Variants in ZMYND11 observed in about 807,000 individuals in gnomAD.
ZMYND11 encodes zinc finger MYND-type containing 11.
ZMYND11 carries 9 observed loss-of-function variants against 84.9 expected under a neutral mutation model. The observed-to-expected ratio is 0.11, with a 90% CI of 0.06 to 0.18. The LOEUF (loss-of-function observed/expected upper bound fraction) is 0.18. ZMYND11 is among the 10% of genes least tolerant of loss of function. The pLI, the probability that ZMYND11 is intolerant of heterozygous loss-of-function variation, is 1.00. For missense variants in ZMYND11, 409 were observed against 761.0 expected, an observed-to-expected ratio of 0.54 and a Z score of 5.44; for synonymous variants, 250 against 244.1, an observed-to-expected ratio of 1.02 and a Z score of -0.23.
intron 1 of ZMYND11, among the ~76,000 whole-genome samples, chr10:174,511 C>G (rs1297822832): frequency 6.6e-6 from 1 of 152,026 alleles, no homozygotes; most frequent in East Asian, 1.9e-4. Context: ...CCCATGTGCA[C>G]TACAGTGGCA....
chr10:184,616 T>A (rs1400124830), intron 2 of ZMYND11, among the ~76,000 whole-genome samples: 1 of 152,204 alleles, frequency 6.6e-6, no homozygotes, highest in Non-Finnish European at 1.5e-5. Context: ...TCTTTTCTCA[T>A]GTGTTGAGAC....
At position 226,287 on chromosome 10, in the gene ZMYND11, A is replaced by G. The variant is rs72771000; in HGVS notation, c.438+4931A>G. ...CTGCCCTGCACAGATTAGTGGCTAT[A>G]ATATCTGATAGTGTTGCTTTTGCTC... On this transcript the variant is annotated intron_variant, in intron 4 of 14. Coordinates refer to ENST00000381604, the MANE Select transcript of ZMYND11 (RefSeq NM_001370100.5). Among the ~76,000 whole-genome samples the G allele has an allele frequency of 2.3e-3, 357 of 152,302 alleles. 2 individuals are homozygous for G. The highest frequency in any genetic ancestry group is 4.2e-3 in the Non-Finnish European group (286 of 68,014).
intron 6 of ZMYND11, among the ~76,000 whole-genome samples, chr10:238,498 A>G (rs1383805950): frequency 1.3e-5 from 2 of 151,996 alleles, no homozygotes; most frequent in East Asian, 3.9e-4. Flanking sequence ...CTGGGACTAC[A>G]GGCGCCCGAC....
intron 4 of ZMYND11, among the ~76,000 whole-genome samples, chr10:224,738 T>C (rs1947790299): frequency 6.6e-6 from 1 of 152,082 alleles, no homozygotes; most frequent in South Asian, 2.1e-4. Context: ...CAGAATGACC[T>C]TTTTTTGGCA....
At chr10:138,190 ACCCCTG>A (rs745309160) in intron 1 of ZMYND11, among the ~76,000 whole-genome samples, 221 of 140,912 alleles carry the variant, frequency 1.6e-3, no homozygotes, top group Non-Finnish European at 2.6e-3. Flanking sequence ...GCTTACTGCA[ACCCCTG>A]CCTCCCAGGC....
intron 1 of ZMYND11, among the ~76,000 whole-genome samples, chr10:178,442 T>C (rs528295290): frequency 2.6e-5 from 4 of 152,350 alleles, no homozygotes; most frequent in South Asian, 2.1e-4. Flanking sequence ...TTCTGACATA[T>C]GTTAAATCCT....
At chr10:190,515 C>T (rs970712420) in intron 2 of ZMYND11, among the ~76,000 whole-genome samples, 1 of 152,162 alleles carries the variant, frequency 6.6e-6, no homozygotes, top group African/African-American at 2.4e-5. Context: ...GTGTTATCTC[C>T]TGACACCTTT....
At chr10:247,363 T>A in intron 11 of ZMYND11, 35 bp from the exon 12 acceptor site, 1 of 1,609,500 alleles carries the variant, frequency 6.2e-7, no homozygotes, top group Non-Finnish European at 8.5e-7. Context: ...TTTTCTAGTG[T>A]CTGGAATAAT....
In ZMYND11 at chr10:221,237, C is replaced by T; in HGVS notation, c.319C>T (p.His107Tyr). ...TCATGACTGGTATTGTTTTGAATGCCATTTGCCTGGAGAGGTGTTGATATG... is the reference window on the plus strand; with the variant it reads ...TCATGACTGGTATTGTTTTGAATGCTATTTGCCTGGAGAGGTGTTGATATG... Reference protein sequence around the residue: ...ENHDWYCFECHLPGEVLICDL... With the variant: ...ENHDWYCFECYLPGEVLICDL... Residue 107 changes from histidine to tyrosine, a missense_variant, in exon 4 of 15, where the codon CAT (histidine) becomes TAT (tyrosine). By Grantham distance (83) the His-to-Tyr change is moderately conservative (BLOSUM62 2). Coordinates refer to ENST00000381604, the MANE Select transcript of ZMYND11 (RefSeq NM_001370100.5). 1 of 1,613,772 alleles carries T rather than the reference C, an allele frequency of 6.2e-7. No individual in the cohort carries two copies. The highest frequency in any genetic ancestry group is 8.5e-7 in the Non-Finnish European group (1 of 1,179,822).
At chr10:135,242 G>T (rs1835638323), upstream of ZMYND11, 1 of 151,218 alleles carries the variant, frequency 6.6e-6, no homozygotes, top group Admixed American at 6.6e-5. The surrounding 1 kb of genome is among the most constrained non-coding windows in gnomAD (Gnocchi z 5.6). Context: ...CCCTCACCCC[G>T]CACGCGGCGA....
chr10:180,730 G>T (rs1366270827), intron 2 of ZMYND11, among the ~76,000 whole-genome samples: 1 of 152,136 alleles, frequency 6.6e-6, no homozygotes, highest in Non-Finnish European at 1.5e-5. Context: ...CACCTTTAGT[G>T]AATCACTTTT....
At chr10:170,092 A>G (rs1554765212) in intron 1 of ZMYND11, among the ~76,000 whole-genome samples, 1 of 152,138 alleles carries the variant, frequency 6.6e-6, no homozygotes, top group African/African-American at 2.4e-5. Context: ...ACTTTTCTTC[A>G]GAAACCATGC....
chr10:243,632 G>A (rs1462820357), intron 10 of ZMYND11, among the ~76,000 whole-genome samples: 4 of 152,164 alleles, frequency 2.6e-5, no homozygotes, highest in Admixed American at 6.5e-5. Flanking sequence ...TTGGGAGGCC[G>A]AGGCGGCTGG....
In ZMYND11 at chr10:253,928, T is replaced by C. The variant is rs1953944528; in HGVS notation, c.*1458T>C. On this transcript the variant is annotated 3_prime_UTR_variant, in exon 15 of 15. Transcript: ENST00000381604. The stretch of plus-strand genomic sequence containing the variant: ...TCTGTGAAATATCATCCATCTAATC[T>C]TGATGCTGTTGCAGATGGTGGTGAC... 1 of 152,658 alleles carries C rather than the reference T, an allele frequency of 6.6e-6. No homozygotes were observed. The highest frequency in any genetic ancestry group is 1.5e-5 in the Non-Finnish European group (1 of 68,052). 9.5% of individuals were successfully genotyped at this position (152,658 alleles called of 1,614,324 possible).
chr10:244,215 T>C (rs1034851304), intron 10 of ZMYND11, among the ~76,000 whole-genome samples: 2 of 152,220 alleles, frequency 1.3e-5, no homozygotes, highest in African/African-American at 4.8e-5. Context: ...CATGAATTTT[T>C]AATTATTTAA....
intron 1 of ZMYND11, among the ~76,000 whole-genome samples, chr10:149,314 TA>T (rs1564268619): frequency 2.0e-5 from 3 of 148,280 alleles, no homozygotes; most frequent in Non-Finnish European, 1.5e-5. Context: ...TTATTATTAT[TA>T]TTATTATTAT....
At chr10:161,964 T>C (rs577727486) in intron 1 of ZMYND11, among the ~76,000 whole-genome samples, 2 of 152,372 alleles carry the variant, frequency 1.3e-5, no homozygotes, top group East Asian at 3.8e-4. Flanking sequence ...CTGGGATAGC[T>C]GTTTGGCTTA....
chr10:148,653 C>T (rs782445431), intron 1 of ZMYND11: 2 of 152,218 alleles, frequency 1.3e-5, no homozygotes, highest in Non-Finnish European at 2.9e-5. Flanking sequence ...TTCACTGATT[C>T]CACAAAGGCC....
intron 1 of ZMYND11, among the ~76,000 whole-genome samples, chr10:143,886 C>T (rs1838056863): frequency 1.3e-5 from 2 of 151,974 alleles, no homozygotes; most frequent in South Asian, 4.2e-4. Context: ...CGCCTGTCAT[C>T]ACAACACTTT....
Sources: gnomAD v4.1 joint callset for allele counts (sites outside exome capture counted in the v4.1 genomes callset) on GRCh38, gnomAD v4.1.1 for gene constraint, Gnocchi (gnomAD v3.1) non-coding constraint, MANE v1.5 for transcripts, NCBI Gene and HGNC (gene_info 2026-07-23, HGNC 2026-07-21) for gene names.